The following COL15A1 variants were observed in gnomAD, a reference collection of about 807,000 sequenced individuals.
COL15A1 encodes the protein collagen alpha-1(XV) chain.
A neutral mutation model predicts 165.9 loss-of-function variants in COL15A1; 111 were observed. The ratio of observed to expected loss-of-function variants is 0.67; its 90% CI spans 0.57 to 0.78. The LOEUF (loss-of-function observed/expected upper bound fraction) is 0.78. Among genes scored for constraint, COL15A1 ranks in the 30% least tolerant of loss-of-function variants. The pLI is 0.00. For synonymous variants in COL15A1, 659 were observed against 674.8 expected, an observed-to-expected ratio of 0.98 and a Z score of 0.36; for missense variants, 1,745 against 1,789.7, an observed-to-expected ratio of 0.98 and a Z score of 0.45.
intron 35 of COL15A1, among the ~76,000 whole-genome samples, chr9:99,059,240 C>T (rs1238992770): frequency 3.9e-5 from 6 of 152,180 alleles, no homozygotes; most frequent in Admixed American, 6.5e-5. Flanking sequence ...AGCTCCTGGC[C>T]GGATGAATGC....
intron 17 of COL15A1, 37 bp downstream of exon 17, chr9:99,034,621 T>TGTTATCC: frequency 7.5e-7 from 1 of 1,329,792 alleles, no homozygotes; most frequent in Non-Finnish European, 9.6e-7. Context: ...AAAAGAACTT[T>TGTTATCC]CTTCTCCCTC....
chr9:98,964,220 T>C (rs10819525), intron 2 of COL15A1, among the ~76,000 whole-genome samples: 114,995 of 146,904 alleles, frequency 0.78, 44,916 homozygotes, highest in African/African-American at 0.81. Context: ...CCCCCCATTC[T>C]TGGTCTCTAG....
At chr9:98,979,251 A>T (rs1838191944) in intron 2 of COL15A1, among the ~76,000 whole-genome samples, 1 of 152,192 alleles carries the variant, frequency 6.6e-6, no homozygotes, top group Non-Finnish European at 1.5e-5. Context: ...CTGGGTCAAC[A>T]AGTACATGCA....
At chr9:98,969,153 C>T (rs1327009064) in intron 2 of COL15A1, among the ~76,000 whole-genome samples, 1 of 152,132 alleles carries the variant, frequency 6.6e-6, no homozygotes, top group Non-Finnish European at 1.5e-5. Flanking sequence ...AAAACTGAGG[C>T]CCAGGGGAAA....
intron 2 of COL15A1, 82 bp downstream of exon 2, chr9:98,944,332 A>G: frequency 7.6e-7 from 1 of 1,322,692 alleles, no homozygotes; most frequent in Non-Finnish European, 1.1e-6. Flanking sequence ...CGCGGCTGCG[A>G]TGCGTGCCTC....
chr9:99,045,663 A>G (rs1839481647), intron 26 of COL15A1, among the ~76,000 whole-genome samples: 1 of 152,236 alleles, frequency 6.6e-6, no homozygotes, highest in Admixed American at 6.5e-5. Flanking sequence ...AGATGAGGAA[A>G]CTAAGGCCCA....
At chr9:99,018,155 T>C (rs1395072096) in intron 11 of COL15A1, among the ~76,000 whole-genome samples, 1 of 152,238 alleles carries the variant, frequency 6.6e-6, no homozygotes, top group Non-Finnish European at 1.5e-5. Flanking sequence ...TCCTTCGTAT[T>C]ATCTAATGCC....
intron 7 of COL15A1, among the ~76,000 whole-genome samples, chr9:99,002,753 A>G (rs983076226): frequency 2.6e-5 from 4 of 152,238 alleles, no homozygotes. Context: ...GACTTTGGGA[A>G]ATGCTGCACT....
chr9:99,020,525 C>A, intron 12 of COL15A1, 83 bp downstream of exon 12: 2 of 987,948 alleles, frequency 2.0e-6, no homozygotes, highest in Non-Finnish European at 3.2e-6. Context: ...ATTTAGCCCA[C>A]TCTGATCAAG....
At chr9:99,008,166 T>A (rs1167302168) in intron 9 of COL15A1, among the ~76,000 whole-genome samples, 1 of 152,168 alleles carries the variant, frequency 6.6e-6, no homozygotes, top group East Asian at 1.9e-4. Flanking sequence ...ATAAAGAATC[T>A]CAGATTTGAC....
rs4480177 is a variant in COL15A1, at chr9:99,059,938, C to T, written c.3387C>T (p.Pro1129=). ...PPGPPGQPGL[P]GSRNLVTAFS... is the part of the protein sequence containing the mutation. ...GCCCTCCAGGACAGCCAGGGCTTCC[C>T]GGATCCAGAAACCTGGTCAGTATTA... Residue 1129 remains proline (P), a synonymous_variant, in exon 36 of 42, where the codon CCC becomes CCT. Transcript: ENST00000375001. 0.24 allele frequency: 387,741 copies of T among 1,612,638 alleles called. 53,439 individuals carry two copies. The highest frequency in any genetic ancestry group is 0.56 in the East Asian group (24,955 of 44,764).
chr9:99,017,036 C>T (rs1046148289), intron 11 of COL15A1, among the ~76,000 whole-genome samples: 8 of 152,220 alleles, frequency 5.3e-5, no homozygotes, highest in Non-Finnish European at 7.3e-5. Context: ...TGCATTCATT[C>T]GTTGATTCAC....
chr9:99,057,895 C>A (rs1188107708), intron 35 of COL15A1, among the ~76,000 whole-genome samples: 1 of 152,086 alleles, frequency 6.6e-6, no homozygotes, highest in Non-Finnish European at 1.5e-5. Context: ...TTTGACTTAG[C>A]CTTGGATCTT....
At chr9:99,061,236 A>C (rs1349670048) in intron 36 of COL15A1, among the ~76,000 whole-genome samples, 1 of 152,254 alleles carries the variant, frequency 6.6e-6, no homozygotes, top group East Asian at 1.9e-4. Flanking sequence ...ATTTTGATGC[A>C]CAAAGCCATT....
chr9:99,011,580 A>G (rs190296145), intron 9 of COL15A1, among the ~76,000 whole-genome samples: 16,178 of 152,032 alleles, frequency 0.11, 1,077 homozygotes, highest in East Asian at 0.32. Context: ...TTTATACATA[A>G]CCTTTAAATA....
chr9:98,945,023 A>G (rs1837555053), intron 2 of COL15A1, among the ~76,000 whole-genome samples: 1 of 152,196 alleles, frequency 6.6e-6, no homozygotes, highest in Non-Finnish European at 1.5e-5. Context: ...CATCTGAAAA[A>G]GGCGATTAAT....
chr9:99,040,693 A>AT, intron 23 of COL15A1, 137 bp downstream of exon 23: 1 of 1,505,482 alleles, frequency 6.6e-7, no homozygotes, highest in Non-Finnish European at 9.1e-7. Context: ...TTTTCTTGAT[A>AT]TTTTTGATAG....
intron 12 of COL15A1, among the ~76,000 whole-genome samples, chr9:99,020,791 C>G (rs1179970788): frequency 1.3e-5 from 2 of 152,184 alleles, no homozygotes; most frequent in Non-Finnish European, 2.9e-5. Flanking sequence ...GGCTCTGCCC[C>G]TGATTTTCTT....
chr9:98,993,680 T>C (rs1045809535), intron 5 of COL15A1, among the ~76,000 whole-genome samples: 1 of 152,120 alleles, frequency 6.6e-6, no homozygotes, highest in African/African-American at 2.4e-5. Flanking sequence ...CAGCTCAGGG[T>C]CCAGAGTGCA....
Sources: gnomAD v4.1 joint callset for allele counts (sites outside exome capture counted in the v4.1 genomes callset) on GRCh38, gnomAD v4.1.1 for gene constraint, MANE v1.5 for transcripts, NCBI Gene and HGNC (gene_info 2026-07-23, HGNC 2026-07-21) for gene names.